The following PBLD variants were observed in gnomAD, a reference collection of about 807,000 sequenced individuals.
The protein encoded by PBLD is phenazine biosynthesis like protein domain containing, also known as phenazine biosynthesis-like domain-containing protein.
PBLD carries 26 observed loss-of-function variants against 31.3 expected under a neutral mutation model. The observed-to-expected ratio is 0.83, with a 90% CI of 0.61 to 1.15. The LOEUF (loss-of-function observed/expected upper bound fraction) is 1.15, where lower values mean the gene tolerates loss of function less well. Among genes scored for constraint, PBLD ranks in the 50% most tolerant of loss-of-function variants. The pLI is 0.00. For missense variants in PBLD, 307 were observed against 351.7 expected (o/e 0.87, Z 1.02); for synonymous variants, 114 against 129.0 (o/e 0.88, Z 0.79).
At chr10:68,307,615 T>G (rs1205983557) in intron 1 of PBLD, among the ~76,000 whole-genome samples, 10 of 152,100 alleles carry the variant, frequency 6.6e-5, no homozygotes, top group African/African-American at 2.2e-4. Context: ...TTCTCCTGCC[T>G]CAGCCTCCCG....
chr10:68,319,079 G>GAAAC (rs1249313753), intron 1 of PBLD, among the ~76,000 whole-genome samples: 2 of 122,362 alleles, frequency 1.6e-5, no homozygotes, highest in East Asian at 5.3e-4. Context: ...AAGAAAGAAA[G>GAAAC]AAAGAAAGAA....
At chr10:68,298,963 C>T (rs952786396) in intron 2 of PBLD, among the ~76,000 whole-genome samples, 7 of 151,670 alleles carry the variant, frequency 4.6e-5, no homozygotes, top group Admixed American at 2.0e-4. Flanking sequence ...AAAAATTAGC[C>T]GAGAGTGGTG....
rs2044252287 is a variant in PBLD at position 68,283,494 on chromosome 10, CAT to C, written c.*681_*682del. 6.6e-6 allele frequency: 1 copy of C among 152,290 alleles called. No individual in the cohort carries two copies. The highest frequency in any genetic ancestry group is 1.5e-5 in the Non-Finnish European group (1 of 68,038). 9.4% of individuals were successfully genotyped at this position (152,290 alleles called of 1,614,324 possible). ...TATAAAATATTTTTCTATATTTCCACATAGTTATTGACTCATTTTAATGGCTG... is the reference window on the plus strand; with the variant it reads ...TATAAAATATTTTTCTATATTTCCACAGTTATTGACTCATTTTAATGGCTG... On this transcript the variant is annotated 3_prime_UTR_variant, in exon 10 of 10. Coordinates refer to ENST00000358769, the MANE Select transcript of PBLD (RefSeq NM_022129.4).
At chr10:68,310,384 T>TATATAC (rs1554859465) in intron 1 of PBLD, among the ~76,000 whole-genome samples, 3 of 147,372 alleles carry the variant, frequency 2.0e-5, no homozygotes, top group African/African-American at 7.6e-5. Context: ...TATATATATA[T>TATATAC]ACACATTGTG....
At chr10:68,324,604 C>CTTTATTTA (rs201038659) in intron 1 of PBLD, among the ~76,000 whole-genome samples, 5,161 of 148,620 alleles carry the variant, frequency 0.035, 319 homozygotes, top group African/African-American at 0.12. Flanking sequence ...ACCCTCCACA[C>CTTTATTTA]TTTATTTATT....
chr10:68,318,914 G>C (rs1048138816), intron 1 of PBLD, among the ~76,000 whole-genome samples: 1 of 151,466 alleles, frequency 6.6e-6, no homozygotes, highest in Non-Finnish European at 1.5e-5. Flanking sequence ...CTCAGCAACA[G>C]AGTGAGACTT....
chr10:68,316,000 T>A (rs1335561079), intron 1 of PBLD, among the ~76,000 whole-genome samples: 2 of 151,818 alleles, frequency 1.3e-5, no homozygotes, highest in African/African-American at 2.4e-5. Context: ...CAAACAATGG[T>A]GAAGGGGAGA....
At chr10:68,288,815 A>G (rs1473379317) in intron 7 of PBLD, 116 bp downstream of exon 7, 2 of 1,290,336 alleles carry the variant, frequency 1.5e-6, no homozygotes, top group African/African-American at 2.9e-5. Context: ...AGGGAAAGAA[A>G]CACTCTGGCT....
At chr10:68,288,434 T>C (rs747837959) in intron 8 of PBLD, 49 bp downstream of exon 8, 2 of 1,575,250 alleles carry the variant, frequency 1.3e-6, no homozygotes, top group African/African-American at 2.7e-5. Context: ...CTATTTGTGA[T>C]CCTCCTCTTC....
chr10:68,295,232 C>T (rs533318032), intron 4 of PBLD, among the ~76,000 whole-genome samples: 1 of 152,146 alleles, frequency 6.6e-6, no homozygotes, highest in South Asian at 2.1e-4. Context: ...GTGGCTCATG[C>T]CTGTAATCCC....
intron 1 of PBLD, among the ~76,000 whole-genome samples, chr10:68,314,337 G>A (rs750415287): frequency 2.6e-5 from 4 of 152,068 alleles, no homozygotes; most frequent in Non-Finnish European, 4.4e-5. Context: ...AAGCACTGGT[G>A]GAGTTTTGCT....
chr10:68,309,813 A>AG (rs1258006096), intron 1 of PBLD, among the ~76,000 whole-genome samples: 1 of 137,756 alleles, frequency 7.3e-6, no homozygotes, highest in Non-Finnish European at 1.6e-5. Context: ...CTCAAAAAAA[A>AG]AAAAAAAAAG....
chr10:68,296,791 C>T (rs559932160), intron 3 of PBLD, 95 bp downstream of exon 3: 19 of 1,101,456 alleles, frequency 1.7e-5, no homozygotes, highest in Admixed American at 5.6e-5. Flanking sequence ...ATTGCTTGAA[C>T]GCAGGAGGCG....
At chr10:68,305,431 G>A (rs1011645778) in intron 2 of PBLD, among the ~76,000 whole-genome samples, 9 of 151,318 alleles carry the variant, frequency 5.9e-5, no homozygotes, top group Non-Finnish European at 1.5e-5. Context: ...CATCATGATT[G>A]CACACTGGAA....
At chr10:68,285,667 A>G (rs80326649) in intron 8 of PBLD, among the ~76,000 whole-genome samples, 1 of 151,572 alleles carries the variant, frequency 6.6e-6, no homozygotes, top group African/African-American at 2.4e-5. Context: ...TTTTCTTTTT[A>G]TTTTATTTTA....
chr10:68,299,621 C>T (rs905677381), intron 2 of PBLD, among the ~76,000 whole-genome samples: 6 of 151,922 alleles, frequency 3.9e-5, no homozygotes, highest in East Asian at 3.9e-4. Flanking sequence ...TTTAGGAGGG[C>T]GAGGCGGGTA....
At chr10:68,288,455 C>A (rs369320948) in intron 8 of PBLD, 28 bp downstream of exon 8, 5 of 1,606,222 alleles carry the variant, frequency 3.1e-6, no homozygotes, top group Admixed American at 3.4e-5. Context: ...CATTGTTTAA[C>A]CCTCCCCTGG....
intron 1 of PBLD, among the ~76,000 whole-genome samples, chr10:68,318,280 C>T (rs1200002522): frequency 6.6e-6 from 1 of 150,376 alleles, no homozygotes; most frequent in Non-Finnish European, 1.5e-5. Context: ...TGGCTAGTGC[C>T]CATAATCCCA....
At chr10:68,323,184 T>C (rs1460250535) in intron 1 of PBLD, among the ~76,000 whole-genome samples, 1 of 152,030 alleles carries the variant, frequency 6.6e-6, no homozygotes, top group Non-Finnish European at 1.5e-5. Flanking sequence ...CCAATAGCCA[T>C]GGGAGTGAGC....
Sources: allele counts gnomAD v4.1 joint callset (sites outside exome capture counted in the v4.1 genomes callset), GRCh38; gene constraint gnomAD v4.1.1; transcripts MANE v1.5; gene names NCBI Gene and HGNC (gene_info 2026-07-23, HGNC 2026-07-21).